Variants in TPO observed in about 807,000 individuals in gnomAD.
TPO encodes thyroid peroxidase, also known as thyroid microsomal antigen.
TPO carries 78 observed loss-of-function variants against 96.9 expected under a neutral mutation model. The ratio of observed to expected loss-of-function variants is 0.81; its 90% confidence interval spans 0.67 to 0.97. The LOEUF (loss-of-function observed/expected upper bound fraction) is 0.97, where lower values mean the gene tolerates loss of function less well. Ranked by LOEUF, TPO falls within the 50% of genes least tolerant of loss-of-function variation. The probability of loss-of-function intolerance (pLI) is 0.00; values close to 1 mark genes in which losing one functional copy is unlikely to be tolerated. For synonymous variants in TPO, 547 were observed against 538.0 expected (o/e 1.02, Z -0.23); for missense variants, 1,252 against 1,274.8 (o/e 0.98, Z 0.27).
At chr2:1,409,703 C>T (rs983186851), upstream of TPO, among the ~76,000 whole-genome samples, 8 of 152,052 alleles carry the variant, frequency 5.3e-5, no homozygotes, top group Non-Finnish European at 1.0e-4. Context: ...CCACGGCCGT[C>T]GGGGGTCATC....
At chr2:1,503,666 T>G in intron 13 of TPO, 1 of 606,894 alleles carries the variant, frequency 1.6e-6, no homozygotes, top group Non-Finnish European at 3.1e-6. Context: ...AGGCAGACCC[T>G]GATTTCCTCC....
chr2:1,430,900 T>C (rs1664912341), intron 3 of TPO, among the ~76,000 whole-genome samples: 1 of 152,218 alleles, frequency 6.6e-6, no homozygotes, highest in South Asian at 2.1e-4. Context: ...TGCTTTTTTA[T>C]CTCAGAGGCT....
At chr2:1,516,821 G>A in intron 14 of TPO, 62 bp from the exon 15 acceptor site, 3 of 1,526,294 alleles carry the variant, frequency 2.0e-6, no homozygotes, top group African/African-American at 1.4e-5. Flanking sequence ...ACTCAGGCAG[G>A]ACAACCTGGC....
At chr2:1,539,716 G>A (rs1190751607) in intron 15 of TPO, among the ~76,000 whole-genome samples, 1 of 152,094 alleles carries the variant, frequency 6.6e-6, no homozygotes, top group Non-Finnish European at 1.5e-5. Context: ...TTGCCGCGTT[G>A]ACACAGGGTC....
intron 5 of TPO, among the ~76,000 whole-genome samples, chr2:1,437,383 G>T (rs1178963052): frequency 6.6e-6 from 1 of 152,184 alleles, no homozygotes; most frequent in African/African-American, 2.4e-5. Context: ...TGCTTAGCAT[G>T]GAAGAACTCC....
rs541853418 is a variant in TPO at position 1,477,006 on chromosome 2, G to A, written c.820-80G>A. 2.3e-5 allele frequency: 35 copies of A among 1,505,040 alleles called. No homozygotes were observed. In the African/African-American group the frequency reaches 4.6e-4, roughly 20 times the overall value. The allele number at this position is 1,505,040 out of a possible 1,614,324, so 93.2% of individuals were successfully genotyped here. A position where few individuals can be genotyped will look rare whatever the true frequency, so the allele number is the denominator to read the frequency against. The stretch of plus-strand genomic sequence containing the variant: ...GAGAAACGTGCGGCGCTGCGGGGTC[G>A]TCGCCGGCCTCGAACTTCCAGAGTC... On this transcript the variant is annotated intron_variant, in intron 7 of 16. Transcript: ENST00000329066.
chr2:1,503,044 GC>G (rs1283191083), intron 13 of TPO, among the ~76,000 whole-genome samples: 1 of 152,208 alleles, frequency 6.6e-6, no homozygotes, highest in African/African-American at 2.4e-5. Context: ...TCCTGGGGTG[GC>G]CGAGTCGGGG....
At chr2:1,411,550 C>T (rs980483423), upstream of TPO, among the ~76,000 whole-genome samples, 1 of 152,234 alleles carries the variant, frequency 6.6e-6, no homozygotes, top group Non-Finnish European at 1.5e-5. Flanking sequence ...ACCCACCTTT[C>T]TGGCTGTGTG....
At chr2:1,495,152 C>T (rs1279180764) in intron 11 of TPO, among the ~76,000 whole-genome samples, 1 of 152,178 alleles carries the variant, frequency 6.6e-6, no homozygotes, top group Non-Finnish European at 1.5e-5. Flanking sequence ...TAGGGTGGTG[C>T]CCCCAATTTC....
At chr2:1,420,951 C>T (rs1413958727) in intron 2 of TPO, among the ~76,000 whole-genome samples, 1 of 152,066 alleles carries the variant, frequency 6.6e-6, no homozygotes, top group Non-Finnish European at 1.5e-5. Flanking sequence ...TTATTTCAGG[C>T]TGTTAACACC....
intron 5 of TPO, among the ~76,000 whole-genome samples, chr2:1,450,572 A>C (rs1667218455): frequency 6.6e-6 from 1 of 152,246 alleles, no homozygotes; most frequent in Non-Finnish European, 1.5e-5. Flanking sequence ...CCACTGGGAA[A>C]GGATCTTTCC....
intron 14 of TPO, among the ~76,000 whole-genome samples, chr2:1,514,142 G>A (rs1674444626): frequency 6.6e-6 from 1 of 152,152 alleles, no homozygotes; most frequent in Non-Finnish European, 1.5e-5. Context: ...CTGAGGGCAG[G>A]TGAAGCTGCA....
At chr2:1,380,195 C>A (rs1661786356) in intron 1 of TPO, among the ~76,000 whole-genome samples, 1 of 152,044 alleles carries the variant, frequency 6.6e-6, no homozygotes, top group Non-Finnish European at 1.5e-5. Flanking sequence ...GAGATCAAGA[C>A]CATCCTGGCT....
At chr2:1,504,221 C>T (rs541475688) in intron 14 of TPO, 142 bp downstream of exon 14, 2 of 1,475,116 alleles carry the variant, frequency 1.4e-6, no homozygotes, top group Non-Finnish European at 1.8e-6. Flanking sequence ...CCCACGGTGC[C>T]CGAGGGGCGT....
In TPO at chr2:1,539,284, TTA is replaced by T. The variant is rs572905100; in HGVS notation, c.2619-1308_2619-1307del. On this transcript the variant is annotated intron_variant, in intron 15 of 16. Transcript: ENST00000329066. Reference sequence around the variant, plus strand: ...CATTGGTGCTAACTCCTTACAGACTTTATGTCAGTGTATTCTCACTGAAGGAA... The same window carrying T: ...CATTGGTGCTAACTCCTTACAGACTTTGTCAGTGTATTCTCACTGAAGGAA... Among the ~76,000 whole-genome samples the T allele has an allele frequency of 6.2e-4, 95 of 152,290 alleles. 1 individual carries two copies. Among genetic ancestry groups the T allele is most frequent in the African/African-American group, 2.0e-3 (85 of 41,552 alleles).
At chr2:1,403,548 C>T (rs1470805527) in intron 1 of TPO, among the ~76,000 whole-genome samples, 1 of 152,170 alleles carries the variant, frequency 6.6e-6, no homozygotes, top group Non-Finnish European at 1.5e-5. Context: ...CACAAAAATG[C>T]CATGCACCGT....
rs539420716 is a variant in TPO, at chr2:1,488,524, A to T, written c.1768+533A>T. Among the ~76,000 whole-genome samples the T allele has an allele frequency of 2.0e-5, 3 of 151,810 alleles. No individual in the cohort carries two copies. In the South Asian group the frequency reaches 6.3e-4, roughly 32 times the overall value. ...CTGCCTTTCCCAGGCCCCACCCGGC[A>T]GCCTCCTCCCTGACCTGCCCAGTTT... On this transcript the variant is annotated intron_variant, in intron 10 of 16. Coordinates refer to ENST00000329066, the MANE Select transcript of TPO (RefSeq NM_001206744.2).
intron 14 of TPO, chr2:1,512,465 G>A (rs571047277): frequency 1.0e-6 from 1 of 985,462 alleles, no homozygotes; most frequent in South Asian, 4.7e-5. Flanking sequence ...CAGGGCAGCT[G>A]TGCGCTCCGC....
At chr2:1,530,131 C>A (rs1677739819) in intron 15 of TPO, among the ~76,000 whole-genome samples, 1 of 94,014 alleles carries the variant, frequency 1.1e-5, no homozygotes. Flanking sequence ...CTATGCGCAA[C>A]CTCGCAAAAT....
Sources: allele counts gnomAD v4.1 joint callset (sites outside exome capture counted in the v4.1 genomes callset), GRCh38; gene constraint gnomAD v4.1.1; transcripts MANE v1.5; gene names NCBI Gene and HGNC (gene_info 2026-07-23, HGNC 2026-07-21).